The following LYN variants were observed in gnomAD, a reference collection of about 807,000 sequenced individuals.
LYN encodes the protein LYN proto-oncogene, Src family tyrosine kinase.
LYN carries 12 observed loss-of-function variants against 65.0 expected under a neutral mutation model. The observed-to-expected ratio is 0.18, with a 90% CI of 0.12 to 0.30. The LOEUF (loss-of-function observed/expected upper bound fraction) is 0.30. LYN is among the 10% of genes least tolerant of loss of function. The pLI, the probability that LYN is intolerant of heterozygous loss-of-function variation, is 1.00. For synonymous variants in LYN, 222 were observed against 221.2 expected, an observed-to-expected ratio of 1.00 and a Z score of -0.03; for missense variants, 380 against 623.2, an observed-to-expected ratio of 0.61 and a Z score of 4.16.
intron 1 of LYN, among the ~76,000 whole-genome samples, chr8:55,933,023 C>T (rs1806314493): frequency 6.6e-6 from 1 of 152,188 alleles, no homozygotes; most frequent in South Asian, 2.1e-4. Context: ...TGCTCACTAC[C>T]TGGATGGTGG....
chr8:55,975,965 C>G (rs1433048562), intron 10 of LYN, among the ~76,000 whole-genome samples: 1 of 151,962 alleles, frequency 6.6e-6, no homozygotes, highest in Non-Finnish European at 1.5e-5. Context: ...GTGCTTTTGG[C>G]CTGCAGGCAA....
chr8:55,952,946 T>C (rs1391200897), intron 7 of LYN, among the ~76,000 whole-genome samples: 1 of 152,218 alleles, frequency 6.6e-6, no homozygotes, highest in African/African-American at 2.4e-5. Context: ...CTTTCCTGTG[T>C]AATTGGAGTC....
At chr8:55,953,682 C>CAAA (rs1807018232) in intron 7 of LYN, 150 bp from the exon 8 acceptor site, 2 of 572,702 alleles carry the variant, frequency 3.5e-6, no homozygotes, top group Admixed American at 6.8e-5. Flanking sequence ...CCACAAATTT[C>CAAA]AAAAGTCACA....
chr8:55,999,428 C>T lies in LYN; in HGVS notation c.1215C>T (p.Phe405=), dbSNP rs748875448. 2.5e-6 allele frequency: 4 copies of T among 1,613,724 alleles called. No individual in the cohort carries two copies. Among genetic ancestry groups the T allele is most frequent in the Non-Finnish European group, 3.4e-6 (4 of 1,179,864 alleles). The change falls in exon 12 of 13, where the codon TTC becomes TTT. Residue 405 remains phenylalanine, a synonymous_variant. Coordinates refer to ENST00000519728, the MANE Select transcript of LYN (RefSeq NM_002350.4). The part of the protein sequence containing the change: ...NEYTAREGAK[F]PIKWTAPEAI... ...TATCTTCTTCCTTAGGTGCTAAGTT[C>T]CCTATTAAGTGGACGGCTCCAGAAG...
Position 56,012,367 on chromosome 8 carries a change from C to CT in LYN, c.*2258dup. On this transcript the variant is annotated 3_prime_UTR_variant, in exon 13 of 13. Transcript: ENST00000519728. ...ACTGGAAAGACAGAATCCATACTCC[C>CT]TACCGCCAAGATTCTGACTTAGCTG... is the stretch of plus-strand genomic sequence containing the variant. 1 of 179,400 alleles carries CT rather than the reference C, an allele frequency of 5.6e-6. No homozygotes were observed. The highest frequency in any genetic ancestry group is 1.2e-5 in the Non-Finnish European group (1 of 83,668). 11.1% of individuals were successfully genotyped at this position (179,400 alleles called of 1,614,324 possible).
At chr8:55,884,241 C>T (rs1804726157) in intron 1 of LYN, among the ~76,000 whole-genome samples, 2 of 152,122 alleles carry the variant, frequency 1.3e-5, no homozygotes, top group South Asian at 4.1e-4. Flanking sequence ...GTTGGGATTA[C>T]TTACAAGCAT....
intron 8 of LYN, among the ~76,000 whole-genome samples, chr8:55,960,784 G>C (rs770621553): frequency 1.3e-5 from 2 of 152,100 alleles, no homozygotes; most frequent in Non-Finnish European, 2.9e-5. Context: ...TCATTTTATG[G>C]TCTGCATTTT....
At chr8:55,952,480 A>G (rs182227685) in intron 7 of LYN, among the ~76,000 whole-genome samples, 24 of 152,282 alleles carry the variant, frequency 1.6e-4, no homozygotes, top group Admixed American at 1.6e-3. Flanking sequence ...GAATCACTTG[A>G]ACACAGGAGG....
chr8:55,932,241 G>C (rs1316943379), intron 1 of LYN, among the ~76,000 whole-genome samples: 1 of 151,966 alleles, frequency 6.6e-6, no homozygotes, highest in Non-Finnish European at 1.5e-5. Flanking sequence ...TGTAAGGAGA[G>C]GTAAAGCAAG....
intron 1 of LYN, among the ~76,000 whole-genome samples, chr8:55,914,023 G>GAA (rs1315813782): frequency 6.6e-6 from 1 of 152,134 alleles, no homozygotes; most frequent in Admixed American, 6.6e-5. Context: ...GGGGAGAGAT[G>GAA]AAATCATGGC....
intron 1 of LYN, among the ~76,000 whole-genome samples, chr8:55,893,428 A>G (rs1247026128): frequency 6.6e-6 from 1 of 152,244 alleles, no homozygotes; most frequent in Non-Finnish European, 1.5e-5. Flanking sequence ...GGGTTTGTGA[A>G]TTCAGTGATG....
chr8:55,991,213 A>T (rs1808239064), intron 10 of LYN, among the ~76,000 whole-genome samples: 1 of 152,138 alleles, frequency 6.6e-6, no homozygotes, highest in African/African-American at 2.4e-5. Context: ...CTGTGGCCCC[A>T]AGGGTATCTT....
intron 12 of LYN, among the ~76,000 whole-genome samples, chr8:56,007,615 A>G (rs949323358): frequency 6.6e-6 from 1 of 152,224 alleles, no homozygotes; most frequent in African/African-American, 2.4e-5. Context: ...TCAGCGGTTT[A>G]AATTCAGGAA....
chr8:55,948,431 C>T (rs1414042618), intron 4 of LYN, among the ~76,000 whole-genome samples: 2 of 152,200 alleles, frequency 1.3e-5, no homozygotes, highest in African/African-American at 2.4e-5. Context: ...TACTGAGCTA[C>T]AGCAGCTGTG....
chr8:55,951,580 G>A (rs1426163959), intron 6 of LYN, among the ~76,000 whole-genome samples: 1 of 151,424 alleles, frequency 6.6e-6, no homozygotes, highest in Non-Finnish European at 1.5e-5. Flanking sequence ...TAGAAAGATC[G>A]TTTGAGCCCA....
chr8:55,911,098 T>TATATAGATATATACACACACACACACAC, intron 1 of LYN, among the ~76,000 whole-genome samples: 1 of 11,686 alleles, frequency 8.6e-5, no homozygotes, highest in African/African-American at 3.4e-4. Context: ...TATATATATA[T>TATATAGATATATACACACACACACACAC]ACATACACGT....
At chr8:56,000,816 G>T (rs1808492486) in intron 12 of LYN, among the ~76,000 whole-genome samples, 1 of 148,148 alleles carries the variant, frequency 6.8e-6, no homozygotes, top group African/African-American at 2.5e-5. Flanking sequence ...CAAAATATTT[G>T]CATGAGGGGA....
At chr8:55,916,733 C>G (rs977885908) in intron 1 of LYN, among the ~76,000 whole-genome samples, 2 of 152,200 alleles carry the variant, frequency 1.3e-5, no homozygotes, top group Admixed American at 6.5e-5. Flanking sequence ...CAGCATTGCC[C>G]TTTACCCCAT....
intron 1 of LYN, among the ~76,000 whole-genome samples, chr8:55,882,880 C>T (rs12676105): frequency 0.51 from 76,736 of 151,942 alleles, 19,440 homozygotes; most frequent in East Asian, 0.64. Context: ...TCTACTTGTC[C>T]ACCTTTGGAC....
Sources: gnomAD v4.1 joint callset for allele counts (sites outside exome capture counted in the v4.1 genomes callset) on GRCh38, gnomAD v4.1.1 for gene constraint, MANE v1.5 for transcripts, NCBI Gene and HGNC (gene_info 2026-07-23, HGNC 2026-07-21) for gene names.